The following CIMIP5 variants were observed in gnomAD, a reference collection of about 807,000 sequenced individuals.
The protein encoded by CIMIP5 is uncharacterized protein C2orf50.
the CIMIP5 span, chr2:11,133,611 T>G: frequency 2.6e-6 from 4 of 1,566,126 alleles, no homozygotes; most frequent in East Asian, 6.9e-5. Flanking sequence ...TGCCCTCCCT[T>G]TTCCACCCTG....
chr2:11,140,871 G>A, the CIMIP5 span, among the ~76,000 whole-genome samples: 7 of 152,212 alleles, frequency 4.6e-5, no homozygotes, highest in South Asian at 2.1e-4. Context: ...TGGCGTGCCC[G>A]AGAAGGACAA....
At chr2:11,146,640 GTGACTT>G in the CIMIP5 span, 1 of 152,242 alleles carries the variant, frequency 6.6e-6, no homozygotes, top group African/African-American at 2.4e-5. Context: ...CAGGCCCAGT[GTGACTT>G]GGCCAGGAAG....
chr2:11,141,844 T>C, the CIMIP5 span, among the ~76,000 whole-genome samples: 1 of 151,920 alleles, frequency 6.6e-6, no homozygotes, highest in East Asian at 1.9e-4. Flanking sequence ...AGAGAAAAGA[T>C]GAATATGAAT....
chr2:11,140,420 T>A, the CIMIP5 span: 1 of 732,896 alleles, frequency 1.4e-6, no homozygotes, highest in Non-Finnish European at 2.2e-6. Context: ...TTCCACGTGA[T>A]ACATTGTTGC....
chr2:11,134,490 C>G, the CIMIP5 span, among the ~76,000 whole-genome samples: 1 of 152,228 alleles, frequency 6.6e-6, no homozygotes, highest in African/African-American at 2.4e-5. Flanking sequence ...CCCATTCCCC[C>G]TCCTCCCAGC....
chr2:11,133,508 T>C, the CIMIP5 span: 1 of 1,608,478 alleles, frequency 6.2e-7, no homozygotes, highest in Non-Finnish European at 8.5e-7. Context: ...AGCGGGTGGC[T>C]CAGGGAGCTG....
At chr2:11,148,864 G>A in the CIMIP5 span, among the ~76,000 whole-genome samples, 1 of 150,560 alleles carries the variant, frequency 6.6e-6, no homozygotes, top group Non-Finnish European at 1.5e-5. Flanking sequence ...CCTCCAAGTA[G>A]CTAGGATTAC....
chr2:11,137,356 A>G, the CIMIP5 span, among the ~76,000 whole-genome samples: 9 of 152,290 alleles, frequency 5.9e-5, no homozygotes, highest in South Asian at 2.1e-4. Context: ...CCTGGGTGAC[A>G]GAGTGAGACT....
the CIMIP5 span, among the ~76,000 whole-genome samples, chr2:11,143,142 C>T: frequency 2.0e-5 from 3 of 152,138 alleles, no homozygotes; most frequent in Non-Finnish European, 2.9e-5. Context: ...AGTGGTGATA[C>T]AGGTGAATAA....
the CIMIP5 span, among the ~76,000 whole-genome samples, chr2:11,140,099 A>T: frequency 7.0e-6 from 1 of 141,868 alleles, no homozygotes; most frequent in Non-Finnish European, 1.5e-5. Flanking sequence ...AAAAAAAAAA[A>T]AAAAAAGGCT....
At chr2:11,148,038 G>T in the CIMIP5 span, among the ~76,000 whole-genome samples, 1 of 152,154 alleles carries the variant, frequency 6.6e-6, no homozygotes, top group Non-Finnish European at 1.5e-5. Context: ...GAGACCAAGG[G>T]CCAGGAGACA....
the CIMIP5 span, among the ~76,000 whole-genome samples, chr2:11,134,726 C>A: frequency 0.041 from 6,307 of 152,246 alleles, 209 homozygotes; most frequent in Non-Finnish European, 0.056. Flanking sequence ...TAGGTTGCTT[C>A]CACATTTGAC....
chr2:11,143,412 A>G, the CIMIP5 span, among the ~76,000 whole-genome samples: 2 of 147,292 alleles, frequency 1.4e-5, no homozygotes, highest in Non-Finnish European at 2.9e-5. Context: ...GAGCAGAGAC[A>G]GGGGCTGAGG....
chr2:11,138,564 C>A, the CIMIP5 span, among the ~76,000 whole-genome samples: 1 of 148,368 alleles, frequency 6.7e-6, no homozygotes, highest in Non-Finnish European at 1.5e-5. Context: ...GATCTGTGTC[C>A]CCACCCAAAT....
the CIMIP5 span, among the ~76,000 whole-genome samples, chr2:11,151,735 A>G: frequency 1.8e-3 from 280 of 152,360 alleles, 1 homozygote; most frequent in African/African-American, 6.4e-3. Context: ...TCCTGGATTC[A>G]AGTGATTCTC....
chr2:11,142,150 C>T, the CIMIP5 span, among the ~76,000 whole-genome samples: 8 of 151,736 alleles, frequency 5.3e-5, no homozygotes, highest in Non-Finnish European at 7.4e-5. Context: ...CCTGTAATTC[C>T]AGCTACTCGG....
the CIMIP5 span, among the ~76,000 whole-genome samples, chr2:11,138,841 A>G: frequency 6.6e-6 from 1 of 152,184 alleles, no homozygotes; most frequent in Non-Finnish European, 1.5e-5. Flanking sequence ...GAAGCTAAGC[A>G]GATGCCAGCA....
chr2:11,135,993 C>G, the CIMIP5 span, among the ~76,000 whole-genome samples: 2 of 152,096 alleles, frequency 1.3e-5, no homozygotes, highest in Admixed American at 1.3e-4. Context: ...TTTGGTGCTA[C>G]GAAGTTGTAG....
At chr2:11,140,478 A>G in the CIMIP5 span, 1 of 1,521,674 alleles carries the variant, frequency 6.6e-7, no homozygotes, top group Non-Finnish European at 9.0e-7. Flanking sequence ...CCTGGAAGGA[A>G]CTCACACAGC....
Sources: allele counts gnomAD v4.1 joint callset (sites outside exome capture counted in the v4.1 genomes callset), GRCh38; gene constraint gnomAD v4.1.1; transcripts MANE v1.5; gene names NCBI Gene and HGNC (gene_info 2026-07-23, HGNC 2026-07-21).